Variants in DET1 observed in about 807,000 individuals in gnomAD.
DET1 encodes the protein DET1 homolog.
Under a neutral mutation model 43.7 loss-of-function variants are expected in DET1, and 22 were observed. That is an observed-to-expected ratio of 0.50 (90% confidence interval 0.36 to 0.72). DET1 has a LOEUF of 0.72. Ranked by LOEUF, DET1 falls within the 30% of genes least tolerant of loss-of-function variation. The probability of loss-of-function intolerance (pLI) is 0.00; values close to 1 mark genes in which losing one functional copy is unlikely to be tolerated. For synonymous variants in DET1, 315 were observed against 266.2 expected, an observed-to-expected ratio of 1.18 and a Z score of -1.79; for missense variants, 713 against 713.3, an observed-to-expected ratio of 1.00 and a Z score of 0.00.
chr15:88,539,040 A>G (rs1012753685), intron 1 of DET1, among the ~76,000 whole-genome samples: 3 of 151,464 alleles, frequency 2.0e-5, no homozygotes, highest in Non-Finnish European at 2.9e-5. Flanking sequence ...CCTCCCTTGG[A>G]CTTAGCTGAA....
chr15:88,535,542 G>C (rs988322242), intron 1 of DET1, among the ~76,000 whole-genome samples: 2 of 152,100 alleles, frequency 1.3e-5, no homozygotes, highest in African/African-American at 4.8e-5. Context: ...AATTGCTTGA[G>C]CCCAGGAGTT....
downstream of DET1, among the ~76,000 whole-genome samples, chr15:88,507,783 G>A (rs1238726230): frequency 3.3e-5 from 5 of 152,222 alleles, no homozygotes; most frequent in African/African-American, 1.2e-4. Flanking sequence ...GGGAAGAGGA[G>A]GAAAGAACTT....
chr15:88,513,727 T>C (rs1299171733), intron 4 of DET1, among the ~76,000 whole-genome samples: 2 of 150,688 alleles, frequency 1.3e-5, no homozygotes, highest in African/African-American at 2.4e-5. Flanking sequence ...ATGTGGCTAG[T>C]GTCTACCATA....
chr15:88,513,186 A>C (rs1598312852), intron 4 of DET1, 46 bp from the exon 5 acceptor site: 1 of 1,529,052 alleles, frequency 6.5e-7, no homozygotes, highest in African/African-American at 1.4e-5. Flanking sequence ...GACAGGATTG[A>C]TATTCACCAT....
In DET1 at chr15:88,531,953, C is replaced by T. The variant is rs186387592; in HGVS notation, c.-10-238G>A. On this transcript the variant is annotated intron_variant, in intron 1 of 4. Coordinates refer to ENST00000268148, the MANE Select transcript of DET1 (RefSeq NM_001144074.3). This position sits in a 1 kb window ranked among gnomAD's most constrained non-coding sequence, Gnocchi z 6.2. ...ACTAGGAATACCTTCCAAGTATGCT[C>T]AGCTGTTGGGAAAGTTCAACAGAAA... 8.4e-6 allele frequency: 4 copies of T among 477,138 alleles called. No homozygotes were observed. Among genetic ancestry groups the T allele is most frequent in the Admixed American group, 3.9e-5 (1 of 25,846 alleles). 29.6% of individuals were successfully genotyped at this position (477,138 alleles called of 1,614,324 possible).
chr15:88,521,913 G>A (rs1262311479), intron 3 of DET1, among the ~76,000 whole-genome samples: 7 of 151,090 alleles, frequency 4.6e-5, no homozygotes, highest in African/African-American at 1.7e-4. Context: ...GATGAATCCA[G>A]TGGTGCGCTG....
downstream of DET1, chr15:88,511,352 A>G: frequency 1.1e-6 from 1 of 950,926 alleles, no homozygotes; most frequent in Non-Finnish European, 1.3e-6. Flanking sequence ...TCTTCCCAAT[A>G]TCCCCTCAGT....
Position 88,513,009 on chromosome 15 carries a change from A to G in DET1, c.1595T>C (p.Val532Ala). 1.2e-6 allele frequency: 2 copies of G among 1,614,068 alleles called. No homozygotes were observed. The highest frequency in any genetic ancestry group is 1.7e-6 in the Non-Finnish European group (2 of 1,179,890). ...AACATACTCAGCATTAGTCCTCTGC[A>G]CAGAAATAGCGAAAGGCTCAAAAGG... Reference protein sequence around the residue: ...FHPFEPFAISVQRTNAEYVVN... With the variant: ...FHPFEPFAISAQRTNAEYVVN... The change falls in exon 5 of 5, where the codon GTG becomes GCG. Residue 532 changes from valine to alanine, a missense_variant. Physicochemically the swap from Val to Ala is moderately conservative, Grantham distance 64 (BLOSUM62 0). Coordinates refer to ENST00000268148, the MANE Select transcript of DET1 (RefSeq NM_001144074.3).
At chr15:88,522,609 C>T (rs904506309) in intron 3 of DET1, among the ~76,000 whole-genome samples, 1 of 149,592 alleles carries the variant, frequency 6.7e-6, no homozygotes, top group Non-Finnish European at 1.5e-5. Context: ...CCTGGGTTCA[C>T]GCCATTCTCC....
Position 88,531,256 on chromosome 15 carries a change from G to C in DET1, c.450C>G (p.Asp150Glu). ...CTGAGCCCACGATGACACAGCGGCA[G>C]TCATCAGTGAAGAGACTACACTCCC... ...LNRECSLFTD[D>E]CRCVIVGSAA... The change falls in exon 2 of 5, where the codon GAC (aspartate) becomes GAG (glutamate). Residue 150 changes from aspartate to glutamate, a missense_variant. Transcript: ENST00000268148. The surrounding 1 kb of genome is among the most constrained non-coding windows in gnomAD (Gnocchi z 6.2). 1 of 1,613,954 alleles carries C rather than the reference G, an allele frequency of 6.2e-7. No homozygotes were observed.
At chr15:88,517,003 T>C (rs1733213284) in intron 3 of DET1, 30 bp from the exon 4 acceptor site, 2 of 1,495,056 alleles carry the variant, frequency 1.3e-6, no homozygotes, top group Non-Finnish European at 1.8e-6. Context: ...AGGAAGGCTT[T>C]GTTAGTGAGT....
At chr15:88,514,994 T>C (rs2056301560) in intron 4 of DET1, among the ~76,000 whole-genome samples, 1 of 152,104 alleles carries the variant, frequency 6.6e-6, no homozygotes, top group South Asian at 2.1e-4. Flanking sequence ...CTTTTTTATG[T>C]ATAAAAAACA....
At chr15:88,527,931 C>G (rs2056710314) in intron 2 of DET1, 145 bp from the exon 3 acceptor site, 1 of 551,448 alleles carries the variant, frequency 1.8e-6, no homozygotes, top group East Asian at 3.3e-5. Flanking sequence ...AAGCAAACAC[C>G]TCGGCTTTAC....
At chr15:88,524,385 G>A (rs1598328930) in intron 3 of DET1, among the ~76,000 whole-genome samples, 1 of 151,920 alleles carries the variant, frequency 6.6e-6, no homozygotes, top group African/African-American at 2.4e-5. Flanking sequence ...GGGAGGTGGG[G>A]GGCGCCTCTG....
rs559687023 is a variant in DET1 at position 88,531,812 on chromosome 15, G to C, written c.-10-97C>G. ...AAACAGATTTCTCTTCTTATATCCT[G>C]AACCTAGGAGCTCCCAAGATGACAG... On this transcript the variant is annotated intron_variant, in intron 1 of 4. Transcript: ENST00000268148. The surrounding 1 kb of genome is among the most constrained non-coding windows in gnomAD (Gnocchi z 6.2). The C allele has an allele frequency of 6.7e-6, 8 of 1,191,754 alleles. No homozygotes were observed. The East Asian group carries it at 1.0e-4, about 15-fold the overall frequency. The allele number at this position is 1,191,754 out of a possible 1,614,324, so 73.8% of individuals were successfully genotyped here.
In DET1 at chr15:88,530,815, G is replaced by A; in HGVS notation, c.891C>T (p.His297=). 1 of 1,613,968 alleles carries A rather than the reference G, an allele frequency of 6.2e-7. No individual in the cohort carries two copies. Among genetic ancestry groups the A allele is most frequent in the Non-Finnish European group, 8.5e-7 (1 of 1,179,860 alleles). The change falls in exon 2 of 5, where the codon CAC becomes CAT. Residue 297 remains histidine (H), a synonymous_variant. Transcript: ENST00000268148. ...FRDPFINSLK[H]RLLVYLWRRA... ...GGCGCCACAAATATACCAGCAACCG[G>A]TGTTTGAGGGAATTGATGAAAGGAT...
At chr15:88,545,089 A>G (rs772379892) in intron 1 of DET1, among the ~76,000 whole-genome samples, 2 of 152,162 alleles carry the variant, frequency 1.3e-5, no homozygotes, top group Non-Finnish European at 2.9e-5. Context: ...CTGATTGGAC[A>G]TGTGTAAACT....
chr15:88,515,533 C>A (rs1450283725), intron 4 of DET1, among the ~76,000 whole-genome samples: 1 of 41,312 alleles, frequency 2.4e-5, no homozygotes, highest in African/African-American at 6.9e-5. Flanking sequence ...ACAGAGACTC[C>A]GTCTTATAAA....
chr15:88,522,529 A>ATTTTTTTTTTTTTTTTT (rs2056524786), intron 3 of DET1, among the ~76,000 whole-genome samples: 5 of 16,182 alleles, frequency 3.1e-4, no homozygotes, highest in East Asian at 2.2e-3. Flanking sequence ...TTTTTTTTTG[A>ATTTTTTTTTTTTTTTTT]GTTGGAGTCT....
Sources: gnomAD v4.1 joint callset for allele counts (sites outside exome capture counted in the v4.1 genomes callset) on GRCh38, gnomAD v4.1.1 for gene constraint, Gnocchi (gnomAD v3.1) non-coding constraint, MANE v1.5 for transcripts, NCBI Gene and HGNC (gene_info 2026-07-23, HGNC 2026-07-21) for gene names.